The following DPCD variants were observed in gnomAD, a reference collection of about 807,000 sequenced individuals.
The protein encoded by DPCD is deleted in primary ciliary dyskinesia homolog (mouse).
DPCD carries 20 observed loss-of-function variants against 26.4 expected under a neutral mutation model. The ratio of observed to expected loss-of-function variants is 0.76; its 90% CI spans 0.53 to 1.10. The LOEUF is 1.10. DPCD is among the 50% of genes least tolerant of loss of function. The pLI, the probability that DPCD is intolerant of heterozygous loss-of-function variation, is 0.00. For missense variants in DPCD, 202 were observed against 253.9 expected, an observed-to-expected ratio of 0.80 and a Z score of 1.39; for synonymous variants, 97 against 94.2, an observed-to-expected ratio of 1.03 and a Z score of -0.17.
intron 4 of DPCD, among the ~76,000 whole-genome samples, 188 bp from the exon 5 acceptor site, chr10:101,608,647 C>T (rs2063748937): frequency 6.6e-6 from 1 of 152,202 alleles, no homozygotes; most frequent in Admixed American, 6.5e-5. Flanking sequence ...GGACATAAGG[C>T]TTGCATTCTA....
In DPCD at chr10:101,603,376, A is replaced by G. The variant is rs2063712012; in HGVS notation, c.404+2040A>G. Among the ~76,000 whole-genome samples, 1 of 152,186 alleles carries G rather than the reference A, an allele frequency of 6.6e-6. No homozygotes were observed. The highest frequency in any genetic ancestry group is 2.4e-5 in the African/African-American group (1 of 41,432). On this transcript the variant is annotated intron_variant, in intron 4 of 5. Transcript: ENST00000370151. This position sits in a 1 kb window ranked among gnomAD's most constrained non-coding sequence, Gnocchi z 4.6. ...CCTTTATTATTATTATTAATTTGGA[A>G]GGGAGAGATTTATTTCTCATCAGGG...
At chr10:101,588,670 C>T (rs2063529979) in intron 1 of DPCD, 1 of 1,269,126 alleles carries the variant, frequency 7.9e-7, no homozygotes, top group Non-Finnish European at 1.0e-6. Flanking sequence ...TTCATTATCT[C>T]ATTTGCTCCT....
rs1248692919 is a variant in DPCD, at chr10:101,608,834, G to A, written c.405-1G>A. The A allele has an allele frequency of 1.2e-6, 2 of 1,611,456 alleles. No individual in the cohort carries two copies. Among genetic ancestry groups the A allele is most frequent in the Admixed American group, 1.7e-5 (1 of 59,968 alleles). Reference sequence around the variant, plus strand: ...CCAATGGCCTCTCGGTGTCCCCACAGGTACTACAAGAAGTTCTCCATTCCT... The same window carrying A: ...CCAATGGCCTCTCGGTGTCCCCACAAGTACTACAAGAAGTTCTCCATTCCT... On this transcript the variant is annotated splice_acceptor_variant, in intron 4 of 5. Coordinates refer to ENST00000370151, the MANE Select transcript of DPCD (RefSeq NM_015448.3). LOFTEE classifies it high-confidence loss of function.
chr10:101,602,221 T>C (rs2063703357), intron 4 of DPCD, among the ~76,000 whole-genome samples: 1 of 152,240 alleles, frequency 6.6e-6, no homozygotes, highest in South Asian at 2.1e-4. Context: ...ACATGCCTCA[T>C]GGGGATGCCC....
rs762051949 is a variant in DPCD, at chr10:101,601,365, C to CTTGT, written c.404+30_404+33dup. ...AGTAGCGTGGAAGGCACCCTGTGTGCTTGTGTATGAGCGGGGTGTAGGGTG... is the reference window on the plus strand; with the variant it reads ...AGTAGCGTGGAAGGCACCCTGTGTGCTTGTTTGTGTATGAGCGGGGTGTAGGGTG... On this transcript the variant is annotated intron_variant, in intron 4 of 5. Coordinates refer to ENST00000370151, the MANE Select transcript of DPCD (RefSeq NM_015448.3). 6.2e-6 allele frequency: 10 copies of CTTGT among 1,608,628 alleles called. 1 individual carries two copies. The South Asian group carries it at 1.1e-4, about 18-fold the overall frequency.
At chr10:101,607,169 T>A (rs1389561535) in intron 4 of DPCD, among the ~76,000 whole-genome samples, 2 of 152,192 alleles carry the variant, frequency 1.3e-5, no homozygotes, top group African/African-American at 4.8e-5. Flanking sequence ...GCTTTTTGTG[T>A]ATATTTGCAG....
chr10:101,600,603 G>T lies in DPCD; in HGVS notation c.146-135G>T. The T allele has an allele frequency of 7.5e-7, 1 of 1,337,228 alleles. No individual in the cohort carries two copies. Among genetic ancestry groups the T allele is most frequent in the Non-Finnish European group, 1.0e-6 (1 of 985,846 alleles). The allele number at this position is 1,337,228 out of a possible 1,614,324, so 82.8% of individuals were successfully genotyped here. ...TAGATTAACAAAGCTGAGAGTAAAG[G>T]CCCAACACTCCCACTTTCATCTTGT... On this transcript the variant is annotated intron_variant, in intron 2 of 5. Coordinates refer to ENST00000370151, the MANE Select transcript of DPCD (RefSeq NM_015448.3). This position sits in a 1 kb window ranked among gnomAD's most constrained non-coding sequence, Gnocchi z 4.7.
intron 1 of DPCD, among the ~76,000 whole-genome samples, chr10:101,592,417 C>A (rs2063616712): frequency 6.6e-6 from 1 of 152,008 alleles, no homozygotes; most frequent in South Asian, 2.1e-4. Flanking sequence ...TTTGGGAAAA[C>A]CCACTTTAAA....
At chr10:101,599,878 G>A (rs1010245438) in intron 2 of DPCD, among the ~76,000 whole-genome samples, 2 of 152,230 alleles carry the variant, frequency 1.3e-5, no homozygotes, top group African/African-American at 4.8e-5. Flanking sequence ...AAGGAACTGG[G>A]GGATAGGAGG....
At chr10:101,595,279 C>T (rs1473168706) in intron 2 of DPCD, among the ~76,000 whole-genome samples, 1 of 152,126 alleles carries the variant, frequency 6.6e-6, no homozygotes, top group East Asian at 1.9e-4. Context: ...ATTCCTGCAG[C>T]GCCTTTCCTC....
intron 1 of DPCD, 95 bp downstream of exon 1, chr10:101,588,495 G>A (rs746602692): frequency 6.6e-7 from 1 of 1,512,860 alleles, no homozygotes; most frequent in Non-Finnish European, 8.8e-7. Context: ...AGAGCTGGAA[G>A]GGTCTCGGCG....
intron 2 of DPCD, 28 bp downstream of exon 2, chr10:101,594,766 T>A: frequency 6.2e-7 from 1 of 1,603,350 alleles, no homozygotes; most frequent in Non-Finnish European, 8.5e-7. Context: ...CCAGTGGGCC[T>A]TTAGTAATAC....
intron 1 of DPCD, among the ~76,000 whole-genome samples, chr10:101,592,798 G>A (rs1480041731): frequency 6.6e-6 from 1 of 152,026 alleles, no homozygotes; most frequent in African/African-American, 2.4e-5. Flanking sequence ...GGCAGATCAC[G>A]AGCTCAGGAG....
At chr10:101,601,866 C>G (rs1215023543) in intron 4 of DPCD, among the ~76,000 whole-genome samples, 1 of 152,148 alleles carries the variant, frequency 6.6e-6, no homozygotes, top group Admixed American at 6.6e-5. Flanking sequence ...GGGGCAGATG[C>G]TTGGGCCGCT....
intron 1 of DPCD, among the ~76,000 whole-genome samples, chr10:101,593,682 G>A (rs12263235): frequency 0.25 from 37,387 of 151,868 alleles, 4,924 homozygotes; most frequent in Non-Finnish European, 0.3. Flanking sequence ...TCCGCCTCCC[G>A]GGTTCAAGCA....
rs763524187 is a variant in DPCD, at chr10:101,594,686, A to T, written c.93A>T (p.Pro31=). 1 of 1,614,232 alleles carries T rather than the reference A, an allele frequency of 6.2e-7. No homozygotes were observed. The highest frequency in any genetic ancestry group is 8.5e-7 in the Non-Finnish European group (1 of 1,180,034). ...GAAGGAAGGTTCACTATTTATTCCC[A>T]GACGGCAAGGAAATGGCTGAAGAAT... The part of the protein sequence containing the change: ...DGRRKVHYLF[P]DGKEMAEEYD... The change falls in exon 2 of 6, where the codon CCA becomes CCT. Residue 31 remains proline, a synonymous_variant. Coordinates refer to ENST00000370151, the MANE Select transcript of DPCD (RefSeq NM_015448.3).
rs1339133032 is a variant in DPCD at position 101,608,815 on chromosome 10, G to C, written c.405-20G>C. 1 of 1,581,838 alleles carries C rather than the reference G, an allele frequency of 6.3e-7. No homozygotes were observed. Among genetic ancestry groups the C allele is most frequent in the Non-Finnish European group, 8.7e-7 (1 of 1,151,524 alleles). On this transcript the variant is annotated intron_variant, in intron 4 of 5. Coordinates refer to ENST00000370151, the MANE Select transcript of DPCD (RefSeq NM_015448.3). ...GGTCACCTTGCCGAGTGCCCCAATG[G>C]CCTCTCGGTGTCCCCACAGGTACTA...
chr10:101,605,206 C>T (rs1297701817), intron 4 of DPCD: 1 of 1,550,346 alleles, frequency 6.5e-7, no homozygotes, highest in Non-Finnish European at 8.7e-7. Context: ...ATGGCACCCC[C>T]TCTGAGGTAT....
chr10:101,604,355 C>G (rs2063719534), intron 4 of DPCD, among the ~76,000 whole-genome samples: 1 of 152,208 alleles, frequency 6.6e-6, no homozygotes, highest in Non-Finnish European at 1.5e-5. Flanking sequence ...GCATTTCTCT[C>G]TGATTTGACC....
Sources: allele counts gnomAD v4.1 joint callset (sites outside exome capture counted in the v4.1 genomes callset), GRCh38; gene constraint gnomAD v4.1.1; non-coding constraint Gnocchi (gnomAD v3.1); transcripts MANE v1.5; gene names NCBI Gene and HGNC (gene_info 2026-07-23, HGNC 2026-07-21).